RPS6KA2: variants seen among roughly 807,000 people sequenced by gnomAD.
RPS6KA2 encodes the protein ribosomal protein S6 kinase A2, also known as ribosomal protein S6 kinase alpha-2.
RPS6KA2 carries 42 observed loss-of-function variants against 91.8 expected under a neutral mutation model. The ratio of observed to expected loss-of-function variants is 0.46; its 90% CI spans 0.36 to 0.59. The LOEUF (loss-of-function observed/expected upper bound fraction) is 0.59, where lower values mean the gene tolerates loss of function less well. Ranked by LOEUF, RPS6KA2 falls within the 20% of genes least tolerant of loss-of-function variation. RPS6KA2 has a pLI of 0.00. For missense variants in RPS6KA2, 798 were observed against 978.5 expected (o/e 0.82, Z 2.46); for synonymous variants, 414 against 393.6 (o/e 1.05, Z -0.61).
chr6:166,611,553 A>G (rs1482705633), intron 1 of RPS6KA2, among the ~76,000 whole-genome samples: 2 of 152,262 alleles, frequency 1.3e-5, no homozygotes, highest in Non-Finnish European at 2.9e-5. Context: ...TATGTGTGTC[A>G]CAACGCCTTT....
In RPS6KA2 at chr6:166,588,513, T is replaced by G. The variant is rs894354114; in HGVS notation, c.99+38408A>C. 2.0e-5 allele frequency among the ~76,000 whole-genome samples: 3 copies of G among 152,160 alleles called. No individual in the cohort carries two copies. In the East Asian group the frequency reaches 5.8e-4, roughly 29 times the overall value. ...CCTCCTTTCCACAGGGACCCTGCGC[T>G]GGGAACTTGCAGCACGTCGCTGAGA... On this transcript the variant is annotated intron_variant, in intron 1 of 20. Coordinates refer to ENST00000265678, the MANE Select transcript of RPS6KA2 (RefSeq NM_021135.6).
intron 2 of RPS6KA2, among the ~76,000 whole-genome samples, chr6:166,676,230 T>C (rs922200133): frequency 6.6e-6 from 1 of 150,444 alleles, no homozygotes; most frequent in Non-Finnish European, 1.5e-5. Flanking sequence ...GGCAGGAGAA[T>C]CACTTGAAAC....
At chr6:166,529,339 CAT>C (rs1035964651) in intron 3 of RPS6KA2, among the ~76,000 whole-genome samples, 13 of 152,116 alleles carry the variant, frequency 8.5e-5, no homozygotes, top group African/African-American at 2.7e-4. Context: ...CCAAACACCA[CAT>C]GTTTTCACTC....
At chr6:166,564,370 C>T (rs1391985383) in intron 1 of RPS6KA2, among the ~76,000 whole-genome samples, 1 of 152,190 alleles carries the variant, frequency 6.6e-6, no homozygotes, top group Non-Finnish European at 1.5e-5. Flanking sequence ...CTCCCTCTCC[C>T]CACCAGTCTC....
At chr6:166,642,167 A>G (rs918437995) in intron 2 of RPS6KA2, among the ~76,000 whole-genome samples, 7 of 152,192 alleles carry the variant, frequency 4.6e-5, no homozygotes, top group African/African-American at 1.7e-4. Context: ...AGAAGAAAAG[A>G]CAACTTTTCT....
chr6:166,690,584 A>G (rs1236888762), intron 2 of RPS6KA2, among the ~76,000 whole-genome samples: 4 of 152,120 alleles, frequency 2.6e-5, no homozygotes, highest in Non-Finnish European at 5.9e-5. Context: ...GCGTCCTCTG[A>G]CACCTCGATG....
intron 2 of RPS6KA2, among the ~76,000 whole-genome samples, chr6:166,819,390 A>C (rs968038171): frequency 6.6e-6 from 1 of 152,144 alleles, no homozygotes; most frequent in African/African-American, 2.4e-5. Context: ...TGGTTCCAAG[A>C]CATGTCCCTC....
chr6:166,450,174 G>A (rs1265399715), intron 13 of RPS6KA2, among the ~76,000 whole-genome samples: 1 of 144,448 alleles, frequency 6.9e-6, no homozygotes. Context: ...GACCACCATG[G>A]GGACCACCAC....
At chr6:166,812,390 G>C (rs1479507572) in intron 2 of RPS6KA2, among the ~76,000 whole-genome samples, 1 of 152,170 alleles carries the variant, frequency 6.6e-6, no homozygotes. Context: ...GCTCCCAGAT[G>C]TTGGCAGCTC....
rs986853069 is a variant in RPS6KA2, at chr6:166,845,574, C to T, written c.123+12626G>A. 5.3e-4 allele frequency among the ~76,000 whole-genome samples: 80 copies of T among 152,106 alleles called. 1 individual carries two copies. Among genetic ancestry groups the T allele is most frequent in the African/African-American group, 1.8e-3 (74 of 41,430 alleles). ...TCCAAAAGGCAGGCTCAAAACCAGG[C>T]AAATACATGGAAATCAAATAGCCTG... On this transcript the variant is annotated intron_variant, in intron 2 of 21. Transcript: ENST00000503859.
At chr6:166,834,644 T>G (rs907255424) in intron 2 of RPS6KA2, among the ~76,000 whole-genome samples, 1 of 152,186 alleles carries the variant, frequency 6.6e-6, no homozygotes, top group African/African-American at 2.4e-5. Context: ...TGTTTAAATC[T>G]TTTGCCCATT....
chr6:166,459,495 C>A lies in RPS6KA2; in HGVS notation c.1029G>T (p.Glu343Asp). Residue 343 changes from glutamate to aspartate, a missense_variant, in exon 12 of 21, where the codon GAG (glutamate) becomes GAT (aspartate). By Grantham distance (45) the Glu-to-Asp change is conservative. Transcript: ENST00000265678. The surrounding 1 kb of genome is among the most constrained non-coding windows in gnomAD (Gnocchi z 4.9). ...ACTCGGGGTCAAAGTGGAAGGTGTC[C>A]TCAGGCCTGCCCACTGCTGGTTTGA... is the stretch of plus-strand genomic sequence containing the variant. ...PPFKPAVGRP[E>D]DTFHFDPEFT... The A allele has an allele frequency of 6.2e-7, 1 of 1,614,132 alleles. No homozygotes were observed. Among genetic ancestry groups the A allele is most frequent in the East Asian group, 2.2e-5 (1 of 44,882 alleles).
rs572286290 is a variant in RPS6KA2, at chr6:166,583,084, A to G, written c.99+43837T>C. On this transcript the variant is annotated intron_variant, in intron 1 of 20. Transcript: ENST00000265678. The stretch of plus-strand genomic sequence containing the variant: ...AAGCATATACACGATAATTATTTCA[A>G]TATCAATTCTAATAAAGACAAAGCA... 2.6e-5 allele frequency among the ~76,000 whole-genome samples: 4 copies of G among 152,334 alleles called. No homozygotes were observed. The South Asian group carries it at 8.3e-4, about 32-fold the overall frequency.
At chr6:166,552,149 C>G (rs1322342675) in intron 1 of RPS6KA2, among the ~76,000 whole-genome samples, 2 of 152,226 alleles carry the variant, frequency 1.3e-5, no homozygotes, top group Admixed American at 6.5e-5. Flanking sequence ...CAGGGGAACT[C>G]AGGGGCTGTG....
chr6:166,444,038 G>A (rs1235453857), intron 14 of RPS6KA2, among the ~76,000 whole-genome samples: 1 of 152,030 alleles, frequency 6.6e-6, no homozygotes, highest in Non-Finnish European at 1.5e-5. Flanking sequence ...CCAATATAAT[G>A]CCAGGAATCC....
intron 2 of RPS6KA2, among the ~76,000 whole-genome samples, chr6:166,680,935 C>T (rs1468714596): frequency 1.3e-5 from 2 of 152,192 alleles, no homozygotes; most frequent in Non-Finnish European, 1.5e-5. Flanking sequence ...CCCCTCTCCT[C>T]CCATTTTTGA....
At chr6:166,607,865 G>C (rs1041529860) in intron 1 of RPS6KA2, among the ~76,000 whole-genome samples, 1 of 152,100 alleles carries the variant, frequency 6.6e-6, no homozygotes, top group Non-Finnish European at 1.5e-5. Context: ...TCCTTTAGCC[G>C]GGCACCAGGT....
chr6:166,857,632 G>C (rs897073439), intron 2 of RPS6KA2, among the ~76,000 whole-genome samples: 1 of 152,238 alleles, frequency 6.6e-6, no homozygotes, highest in Non-Finnish European at 1.5e-5. Context: ...GCAGCAGCAA[G>C]AGCTCTTTCT....
chr6:166,565,104 T>C (rs1313854082), intron 1 of RPS6KA2, among the ~76,000 whole-genome samples: 1 of 152,170 alleles, frequency 6.6e-6, no homozygotes, highest in African/African-American at 2.4e-5. Context: ...CTCCTGCATC[T>C]TCCTGTTGAG....
Sources: allele counts gnomAD v4.1 joint callset (sites outside exome capture counted in the v4.1 genomes callset), GRCh38; gene constraint gnomAD v4.1.1; non-coding constraint Gnocchi (gnomAD v3.1); transcripts MANE v1.5; gene names NCBI Gene and HGNC (gene_info 2026-07-23, HGNC 2026-07-21).